LMX1A: variants seen among roughly 807,000 people sequenced by gnomAD.
The protein encoded by LMX1A is LIM homeobox transcription factor 1-alpha.
Under a neutral mutation model 49.1 loss-of-function variants are expected in LMX1A, and 15 were observed. The ratio of observed to expected loss-of-function variants is 0.31; its 90% CI spans 0.20 to 0.47. The LOEUF (loss-of-function observed/expected upper bound fraction) is 0.47, where lower values mean the gene tolerates loss of function less well. Among genes scored for constraint, LMX1A ranks in the 20% least tolerant of loss-of-function variants. The pLI is 1.00. For missense variants in LMX1A, 372 were observed against 475.8 expected, an observed-to-expected ratio of 0.78 and a Z score of 2.03; for synonymous variants, 167 against 185.7, an observed-to-expected ratio of 0.90 and a Z score of 0.82.
At chr1:165,222,689 G>A (rs1283149559) in intron 4 of LMX1A, among the ~76,000 whole-genome samples, 1 of 152,312 alleles carries the variant, frequency 6.6e-6, no homozygotes, top group Non-Finnish European at 1.5e-5. Flanking sequence ...TAAACATAGA[G>A]AGAAGTTGCC....
At chr1:165,354,187 C>T (rs1656523104) in intron 2 of LMX1A, among the ~76,000 whole-genome samples, 1 of 152,068 alleles carries the variant, frequency 6.6e-6, no homozygotes, top group African/African-American at 2.4e-5. Context: ...TGCCCTTGTC[C>T]CCCCAGTACC....
At chr1:165,284,792 G>A (rs1355490480) in intron 3 of LMX1A, among the ~76,000 whole-genome samples, 1 of 152,196 alleles carries the variant, frequency 6.6e-6, no homozygotes, top group Non-Finnish European at 1.5e-5. Flanking sequence ...ACCCTCATGG[G>A]AAGAAAAGCA....
At position 165,205,512 on chromosome 1, in the gene LMX1A, G is replaced by A. The variant is rs532866147; in HGVS notation, c.988+352C>T. 9.9e-5 allele frequency among the ~76,000 whole-genome samples: 15 copies of A among 152,264 alleles called. No homozygotes were observed. In the South Asian group the frequency reaches 1.2e-3, roughly 13 times the overall value. The stretch of plus-strand genomic sequence containing the variant: ...ATTTCTTTTCTTACTTTAGGTAAAC[G>A]TTTGCTTAATTAAGGCCTTCTGTAG... On this transcript the variant is annotated intron_variant, in intron 8 of 8. Transcript: ENST00000342310.
intron 3 of LMX1A, among the ~76,000 whole-genome samples, chr1:165,262,599 T>A (rs1489813642): frequency 1.3e-5 from 2 of 152,202 alleles, no homozygotes; most frequent in East Asian, 3.9e-4. Context: ...CCCACTTGAT[T>A]TCTTGAATGT....
intron 3 of LMX1A, among the ~76,000 whole-genome samples, chr1:165,342,506 G>T (rs1042483298): frequency 9.2e-5 from 14 of 152,060 alleles, no homozygotes; most frequent in Non-Finnish European, 1.6e-4. Context: ...TCTGGGGGCT[G>T]GGGGGAAGAA....
intron 3 of LMX1A, among the ~76,000 whole-genome samples, chr1:165,274,905 T>A (rs1302974464): frequency 6.6e-6 from 1 of 152,196 alleles, no homozygotes; most frequent in African/African-American, 2.4e-5. Flanking sequence ...GTTGAGAGGA[T>A]TAAATACAAT....
intron 4 of LMX1A, among the ~76,000 whole-genome samples, chr1:165,242,929 CAAA>C (rs35937155): frequency 0.16 from 18,529 of 115,354 alleles, 1,378 homozygotes; most frequent in Non-Finnish European, 0.17. Context: ...AACTCCACCT[CAAA>C]AAAAAAAAAA....
chr1:165,355,635 G>A lies in LMX1A; in HGVS notation c.-22-54C>T. The A allele has an allele frequency of 1.5e-6, 2 of 1,373,778 alleles. No individual in the cohort carries two copies. Among genetic ancestry groups the A allele is most frequent in the South Asian group, 1.2e-5 (1 of 81,744 alleles). The allele number at this position is 1,373,778 out of a possible 1,614,324, so 85.1% of individuals were successfully genotyped here. ...ACGTCCGTGCCCGCTGGGACTCGGC[G>A]CCAGCAGCCACCGCACTCCTGGGAA... On this transcript the variant is annotated intron_variant, in intron 1 of 8. Transcript: ENST00000342310. This position sits in a 1 kb window ranked among gnomAD's most constrained non-coding sequence, Gnocchi z 4.7.
intron 3 of LMX1A, among the ~76,000 whole-genome samples, chr1:165,262,958 C>G (rs904355813): frequency 6.6e-6 from 1 of 152,118 alleles, no homozygotes; most frequent in Non-Finnish European, 1.5e-5. Flanking sequence ...AGTGTTTAGT[C>G]CTCATTGTAC....
At chr1:165,207,907 G>A (rs1462420438) in intron 7 of LMX1A, among the ~76,000 whole-genome samples, 156 bp downstream of exon 7, 1 of 152,168 alleles carries the variant, frequency 6.6e-6, no homozygotes. Flanking sequence ...GTTCCTCGTG[G>A]CTCAGTCTTC....
intron 5 of LMX1A, 32 bp downstream of exon 5, chr1:165,213,609 C>G: frequency 1.3e-6 from 2 of 1,595,240 alleles, no homozygotes; most frequent in Non-Finnish European, 1.7e-6. Flanking sequence ...AAGTGGGGCC[C>G]AGCTCCTTTT....
intron 3 of LMX1A, among the ~76,000 whole-genome samples, chr1:165,347,966 A>G (rs1656299017): frequency 7.9e-6 from 1 of 127,272 alleles, no homozygotes; most frequent in South Asian, 2.8e-4. Flanking sequence ...CTCTCCAAAA[A>G]CCTTCCCAGA....
chr1:165,353,135 G>A lies in LMX1A; in HGVS notation c.204C>T (p.Pro68=), dbSNP rs773001799. The stretch of plus-strand genomic sequence containing the variant: ...CCCGGTAGAAGCAGGTGGTCTCCAG[G>A]GGCTCTTTGCAGGAGGCGCACTGCA... The part of the protein sequence containing the change: ...QCVQCASCKE[P]LETTCFYRDK... Residue 68 remains proline, a synonymous_variant, in exon 3 of 9, where the codon CCC becomes CCT. Coordinates refer to ENST00000342310, the MANE Select transcript of LMX1A (RefSeq NM_177398.4). 4 of 1,614,100 alleles carry A rather than the reference G, an allele frequency of 2.5e-6. No individual in the cohort carries two copies. In the African/African-American group the frequency reaches 5.3e-5, roughly 22 times the overall value.
At chr1:165,257,009 T>G (rs1412651997) in intron 3 of LMX1A, among the ~76,000 whole-genome samples, 1 of 151,918 alleles carries the variant, frequency 6.6e-6, no homozygotes, top group African/African-American at 2.4e-5. Context: ...TCTTCATTGT[T>G]AGAACATATT....
At position 165,293,714 on chromosome 1, in the gene LMX1A, G is replaced by A. The variant is rs1407387453; in HGVS notation, c.264-44074C>T. Among the ~76,000 whole-genome samples, 3 of 152,178 alleles carry A rather than the reference G, an allele frequency of 2.0e-5. No homozygotes were observed. The South Asian group carries it at 6.2e-4, about 32-fold the overall frequency. On this transcript the variant is annotated intron_variant, in intron 3 of 8. Transcript: ENST00000342310. ...AAGATCAAGGCAGATTCAGCGTCTG[G>A]TCAGGGCCCATTTTCTGGACAGTGC...
At chr1:165,351,734 G>A (rs12126669) in intron 3 of LMX1A, among the ~76,000 whole-genome samples, 30,734 of 152,126 alleles carry the variant, frequency 0.2, 3,446 homozygotes, top group African/African-American at 0.29. Context: ...CAATTTTTTT[G>A]TGTGGTCACA....
intron 4 of LMX1A, among the ~76,000 whole-genome samples, chr1:165,222,903 C>T (rs1366272086): frequency 6.6e-6 from 1 of 152,186 alleles, no homozygotes; most frequent in Middle Eastern, 3.2e-3. Context: ...AGCCTTTGTT[C>T]TTACCTCCAC....
intron 3 of LMX1A, among the ~76,000 whole-genome samples, chr1:165,290,975 C>T (rs1654452471): frequency 6.6e-6 from 1 of 152,220 alleles, no homozygotes; most frequent in South Asian, 2.1e-4. Flanking sequence ...TCCCCAGCAT[C>T]TCTGCTAAAT....
intron 4 of LMX1A, among the ~76,000 whole-genome samples, chr1:165,232,720 C>T (rs986685588): frequency 6.6e-6 from 1 of 152,190 alleles, no homozygotes; most frequent in Admixed American, 6.5e-5. Flanking sequence ...CCCCCTTTGG[C>T]ACATTCCACT....
Sources: gnomAD v4.1 joint callset for allele counts (sites outside exome capture counted in the v4.1 genomes callset) on GRCh38, gnomAD v4.1.1 for gene constraint, Gnocchi (gnomAD v3.1) non-coding constraint, MANE v1.5 for transcripts, NCBI Gene and HGNC (gene_info 2026-07-23, HGNC 2026-07-21) for gene names.